Variants in AKAP7 observed in about 807,000 individuals in gnomAD.
AKAP7 encodes A-kinase anchoring protein 7.
In AKAP7, 39 loss-of-function variants were observed where a neutral mutation model predicts 39.5. The observed-to-expected ratio is 0.99, with a 90% CI of 0.76 to 1.29. The LOEUF (loss-of-function observed/expected upper bound fraction) is 1.29. Among genes scored for constraint, AKAP7 ranks in the 50% most tolerant of loss-of-function variants. The pLI is 0.00. For synonymous variants in AKAP7, 140 were observed against 139.1 expected (o/e 1.01, Z -0.05); for missense variants, 414 against 407.7 (o/e 1.02, Z -0.13).
At chr6:131,193,209 G>A (rs1806585371) in intron 5 of AKAP7, among the ~76,000 whole-genome samples, 1 of 152,076 alleles carries the variant, frequency 6.6e-6, no homozygotes, top group South Asian at 2.1e-4. Flanking sequence ...GATACGAGAT[G>A]TGGATCTATT....
intron 6 of AKAP7, among the ~76,000 whole-genome samples, chr6:131,207,491 A>AT (rs531582478): frequency 0.026 from 2,047 of 78,774 alleles, 154 homozygotes; most frequent in African/African-American, 0.072. Flanking sequence ...GCTAATTAAA[A>AT]TTTTTTTTTT....
intron 6 of AKAP7, among the ~76,000 whole-genome samples, 181 bp downstream of exon 6, chr6:131,199,754 T>C (rs73775934): frequency 0.025 from 3,835 of 152,262 alleles, 166 homozygotes; most frequent in African/African-American, 0.087. Flanking sequence ...TGGAGGCTAT[T>C]TCAGCTTTGC....
intron 7 of AKAP7, among the ~76,000 whole-genome samples, chr6:131,260,432 GTGTTCC>G (rs1813219389): frequency 6.6e-6 from 1 of 152,122 alleles, no homozygotes; most frequent in African/African-American, 2.4e-5. Flanking sequence ...CAGTGTAAAA[GTGTTCC>G]TGTTTCTCCA....
At chr6:131,184,586 A>G (rs1275119498) in intron 5 of AKAP7, 6 of 732,630 alleles carry the variant, frequency 8.2e-6, no homozygotes, top group Non-Finnish European at 1.5e-5. Context: ...TGGAGGCAAG[A>G]TGGATGCCCT....
At chr6:131,141,899 C>CTTTTTT (rs773131426) in intron 1 of AKAP7, among the ~76,000 whole-genome samples, 2 of 116,232 alleles carry the variant, frequency 1.7e-5, no homozygotes, top group African/African-American at 3.1e-5. Flanking sequence ...TTCTTTCTTT[C>CTTTTTT]TTTTTTTTTT....
At chr6:131,261,882 ATTAG>A (rs1166921661) in intron 7 of AKAP7, among the ~76,000 whole-genome samples, 4 of 152,170 alleles carry the variant, frequency 2.6e-5, no homozygotes, top group Admixed American at 6.5e-5. Context: ...AACGTAGGGA[ATTAG>A]TTAAGTAAGT....
At chr6:131,141,729 A>G (rs1432214590) in intron 1 of AKAP7, among the ~76,000 whole-genome samples, 1 of 152,140 alleles carries the variant, frequency 6.6e-6, no homozygotes. Context: ...CCATCTGACA[A>G]GGTTGGAGAT....
rs141169465 is a variant in AKAP7 at position 131,281,602 on chromosome 6, T to C, written c.923T>C (p.Val308Ala). ...RLSKRLVENA[V>A]LKAVQQYLEE... ...AGTAAGAGGCTGGTGGAGAACGCGGTGCTCAAGGCTGTCCAGCAGTATCTG... is the reference window on the plus strand; with the variant it reads ...AGTAAGAGGCTGGTGGAGAACGCGGCGCTCAAGGCTGTCCAGCAGTATCTG... Residue 308 changes from valine (V) to alanine (A), a missense_variant, in exon 8 of 8, where the codon GTG becomes GCG. Transcript: ENST00000431975. This position sits in a 1 kb window ranked among gnomAD's most constrained non-coding sequence, Gnocchi z 4.0. The C allele has an allele frequency of 9.1e-5, 147 of 1,613,524 alleles. No homozygotes were observed. The highest frequency in any genetic ancestry group is 4.7e-4 in the Admixed American group (28 of 59,968).
chr6:131,182,212 T>C (rs1805328754), intron 5 of AKAP7, among the ~76,000 whole-genome samples: 1 of 152,208 alleles, frequency 6.6e-6, no homozygotes, highest in Admixed American at 6.5e-5. Flanking sequence ...AGTTCAGTAG[T>C]GTTAAGTATA....
At chr6:131,259,704 T>A (rs1261069271) in intron 7 of AKAP7, among the ~76,000 whole-genome samples, 6 of 152,242 alleles carry the variant, frequency 3.9e-5, no homozygotes, top group Non-Finnish European at 7.3e-5. Flanking sequence ...TTTGTATTAG[T>A]AATTCATAAT....
intron 7 of AKAP7, among the ~76,000 whole-genome samples, chr6:131,254,836 T>A (rs1050986257): frequency 3.3e-5 from 5 of 152,226 alleles, no homozygotes; most frequent in African/African-American, 1.2e-4. Context: ...ATACATGAAA[T>A]ATGTGTTAGT....
intron 5 of AKAP7, among the ~76,000 whole-genome samples, chr6:131,198,001 T>C (rs1807122717): frequency 6.6e-6 from 1 of 152,156 alleles, no homozygotes; most frequent in African/African-American, 2.4e-5. Flanking sequence ...TGTGATGGTT[T>C]AGCATTTTCT....
chr6:131,262,338 C>T (rs1329981410), intron 7 of AKAP7, among the ~76,000 whole-genome samples: 1 of 152,052 alleles, frequency 6.6e-6, no homozygotes. Context: ...GAGTTGAGTC[C>T]CAGCTCTGTT....
the AKAP7 span, among the ~76,000 whole-genome samples, chr6:131,130,396 C>T: frequency 1.2e-4 from 19 of 152,278 alleles, no homozygotes; most frequent in East Asian, 2.7e-3. Context: ...CTCCTGAGTT[C>T]GAGCGATTCT....
At chr6:131,242,021 CT>C (rs1342756970) in intron 7 of AKAP7, 1 of 964,576 alleles carries the variant, frequency 1.0e-6, no homozygotes, top group East Asian at 1.2e-4. Flanking sequence ...TAAATTCTGT[CT>C]TTTTTAATTA....
intron 6 of AKAP7, among the ~76,000 whole-genome samples, chr6:131,215,865 T>A (rs192403632): frequency 1.4e-4 from 21 of 152,354 alleles, no homozygotes; most frequent in African/African-American, 3.8e-4. Flanking sequence ...GTTTGGCTCT[T>A]AAATCACATT....
intron 5 of AKAP7, among the ~76,000 whole-genome samples, chr6:131,182,071 A>G (rs937756553): frequency 1.3e-5 from 2 of 152,072 alleles, no homozygotes; most frequent in Non-Finnish European, 2.9e-5. Context: ...GGTTGTAGTG[A>G]GCTGAGATGG....
intron 5 of AKAP7, among the ~76,000 whole-genome samples, chr6:131,177,111 A>G (rs1804656223): frequency 6.6e-6 from 1 of 152,186 alleles, no homozygotes; most frequent in African/African-American, 2.4e-5. Context: ...ATTTTCAATC[A>G]AACACTTTCT....
At chr6:131,206,522 G>C (rs1323124828) in intron 6 of AKAP7, among the ~76,000 whole-genome samples, 1 of 152,168 alleles carries the variant, frequency 6.6e-6, no homozygotes, top group Non-Finnish European at 1.5e-5. Context: ...GGTAGGAATG[G>C]AAAAGGAGAG....
Sources: gnomAD v4.1 joint callset for allele counts (sites outside exome capture counted in the v4.1 genomes callset) on GRCh38, gnomAD v4.1.1 for gene constraint, Gnocchi (gnomAD v3.1) non-coding constraint, MANE v1.5 for transcripts, NCBI Gene and HGNC (gene_info 2026-07-23, HGNC 2026-07-21) for gene names.